STK40: variants seen among roughly 807,000 people sequenced by gnomAD.
STK40 encodes serine/threonine-protein kinase 40.
In STK40, 13 loss-of-function variants were observed where a neutral mutation model predicts 47.9. The observed-to-expected ratio is 0.27, with a 90% CI of 0.18 to 0.43. The LOEUF is 0.43. Among genes scored for constraint, STK40 ranks in the 20% least tolerant of loss-of-function variants. The pLI is 1.00. For missense variants in STK40, 460 were observed against 595.1 expected (o/e 0.77, Z 2.36); for synonymous variants, 225 against 243.2 (o/e 0.93, Z 0.69).
intron 1 of STK40, among the ~76,000 whole-genome samples, chr1:36,382,825 C>T (rs149060113): frequency 2.0e-3 from 307 of 152,296 alleles, no homozygotes; most frequent in Non-Finnish European, 3.0e-3. Flanking sequence ...CACAACTGCC[C>T]TATTACGAAG....
At chr1:36,368,368 A>G (rs577966974) in intron 1 of STK40, among the ~76,000 whole-genome samples, 9 of 152,254 alleles carry the variant, frequency 5.9e-5, no homozygotes, top group Admixed American at 5.9e-4. Context: ...CTCCCACCTC[A>G]GCCTCCTGGG....
intron 7 of STK40, among the ~76,000 whole-genome samples, chr1:36,348,115 C>A (rs557944521): frequency 6.6e-6 from 1 of 152,358 alleles, no homozygotes; most frequent in East Asian, 1.9e-4. Context: ...AATGAATGAA[C>A]ACAGACAAGG....
chr1:36,360,191 G>A (rs1021668408), intron 2 of STK40, among the ~76,000 whole-genome samples: 2 of 152,188 alleles, frequency 1.3e-5, no homozygotes, highest in African/African-American at 4.8e-5. Flanking sequence ...GGCCTGGCAC[G>A]TAGTAGGTAC....
intron 1 of STK40, among the ~76,000 whole-genome samples, chr1:36,363,873 C>G (rs1289128955): frequency 1.3e-5 from 2 of 150,618 alleles, no homozygotes; most frequent in Non-Finnish European, 3.0e-5. Context: ...TCTTGTCAGC[C>G]AAGCGCGGTG....
Position 36,355,191 on chromosome 1 carries a change from A to G in STK40, c.570+15T>C. 1 of 1,612,132 alleles carries G rather than the reference A, an allele frequency of 6.2e-7. No individual in the cohort carries two copies. Among genetic ancestry groups the G allele is most frequent in the Non-Finnish European group, 8.5e-7 (1 of 1,179,024 alleles). ...TTCTGTGGCCAGAAGGCGCAGCAGC[A>G]GGGTGTGGCCTCACCTGGTGCAGGG... is the stretch of plus-strand genomic sequence containing the variant. On this transcript the variant is annotated intron_variant, in intron 5 of 10. Coordinates refer to ENST00000373132, the MANE Select transcript of STK40 (RefSeq NM_001282547.2).
At chr1:36,346,141 C>T (rs1440919776) in intron 7 of STK40, among the ~76,000 whole-genome samples, 1 of 150,430 alleles carries the variant, frequency 6.6e-6, no homozygotes, top group East Asian at 1.9e-4. Context: ...ACTATAGGCA[C>T]CCGCCACCAC....
intron 1 of STK40, among the ~76,000 whole-genome samples, chr1:36,365,281 G>A (rs1054613482): frequency 4.6e-5 from 7 of 152,156 alleles, no homozygotes; most frequent in Non-Finnish European, 7.3e-5. Flanking sequence ...TGAGCACCGC[G>A]CCCGGCCTGT....
At chr1:36,344,468 C>G (rs1277978477) in intron 7 of STK40, among the ~76,000 whole-genome samples, 2 of 152,242 alleles carry the variant, frequency 1.3e-5, no homozygotes, top group Non-Finnish European at 2.9e-5. Context: ...CACTCAGCAC[C>G]TGCTCACAGC....
rs1646630245 is a variant in STK40, at chr1:36,339,950, C to A, written c.*1805G>T. 1 of 152,350 alleles carries A rather than the reference C, an allele frequency of 6.6e-6. No homozygotes were observed. The highest frequency in any genetic ancestry group is 1.5e-5 in the Non-Finnish European group (1 of 68,066). 9.4% of individuals were successfully genotyped at this position (152,350 alleles called of 1,614,324 possible). A position where few individuals can be genotyped will look rare whatever the true frequency, so the allele number is the denominator to read the frequency against. ...GACCCGGTGGGCTGCTGAGAGGGGG[C>A]TCCGCTGCGACGGGCCCTGGCCCAG... On this transcript the variant is annotated 3_prime_UTR_variant, in exon 11 of 11. Coordinates refer to ENST00000373132, the MANE Select transcript of STK40 (RefSeq NM_001282547.2).
intron 6 of STK40, among the ~76,000 whole-genome samples, chr1:36,353,957 T>C (rs1330812628): frequency 6.6e-6 from 1 of 151,984 alleles, no homozygotes; most frequent in Non-Finnish European, 1.5e-5. Flanking sequence ...AGAGATGGGG[T>C]CTTCATTATG....
chr1:36,356,844 G>T (rs932726491), intron 4 of STK40, among the ~76,000 whole-genome samples: 1 of 152,098 alleles, frequency 6.6e-6, no homozygotes, highest in Non-Finnish European at 1.5e-5. Flanking sequence ...CATCCAAAAT[G>T]ACATGAACTA....
At chr1:36,366,410 C>A (rs187370000) in intron 1 of STK40, among the ~76,000 whole-genome samples, 2 of 152,154 alleles carry the variant, frequency 1.3e-5, no homozygotes, top group Admixed American at 6.5e-5. Flanking sequence ...TCCTGCCACC[C>A]CTTCATGCTA....
chr1:36,351,158 C>A (rs1263994528), intron 6 of STK40, among the ~76,000 whole-genome samples: 1 of 151,894 alleles, frequency 6.6e-6, no homozygotes, highest in Non-Finnish European at 1.5e-5. Context: ...TGCTTGCCTA[C>A]CAAAAAGAAA....
intron 1 of STK40, among the ~76,000 whole-genome samples, chr1:36,372,036 G>C (rs1032332553): frequency 6.6e-6 from 1 of 152,134 alleles, no homozygotes; most frequent in Non-Finnish European, 1.5e-5. Context: ...TACATGTTTA[G>C]TCCAGACACA....
intron 1 of STK40, among the ~76,000 whole-genome samples, chr1:36,378,575 C>T (rs1647011521): frequency 1.3e-5 from 2 of 152,120 alleles, no homozygotes; most frequent in Non-Finnish European, 2.9e-5. Context: ...TCTCCTGCCT[C>T]AGCCTCCTGA....
At chr1:36,358,933 A>C in intron 2 of STK40, 111 bp from the exon 3 acceptor site, 5 of 1,209,556 alleles carry the variant, frequency 4.1e-6, no homozygotes, top group Non-Finnish European at 4.8e-6. Flanking sequence ...ACCATAGCTC[A>C]TGTGTACTGG....
intron 7 of STK40, among the ~76,000 whole-genome samples, chr1:36,345,987 A>ATTTTTTTTTT (rs1397972473): frequency 3.1e-3 from 53 of 17,250 alleles, no homozygotes; most frequent in Non-Finnish European, 5.3e-3. Context: ...ATATATATAT[A>ATTTTTTTTTT]TATATTTTTT....
rs761489279 is a variant in STK40, at chr1:36,361,344, G to T, written c.-8-4C>A. On this transcript the variant is annotated splice_region_variant and splice_polypyrimidine_tract_variant and intron_variant, in intron 1 of 10. Coordinates refer to ENST00000373132, the MANE Select transcript of STK40 (RefSeq NM_001282547.2). ...GCTCTCCGCTTCATTCTCAGCTCTA[G>T]ACAAGACAGAAAGACCCCTTCTCAC... 2 of 1,614,070 alleles carry T rather than the reference G, an allele frequency of 1.2e-6. No individual in the cohort carries two copies. Among genetic ancestry groups the T allele is most frequent in the Non-Finnish European group, 1.7e-6 (2 of 1,180,040 alleles).
chr1:36,348,819 G>A lies in STK40; in HGVS notation c.624-4C>T, dbSNP rs369452661. ...GGTGATGGTTATCCGATGTGTCCTA[G>A]GAGTGGGAGACAGAGTGAACAAACC... is the stretch of plus-strand genomic sequence containing the variant. On this transcript the variant is annotated splice_polypyrimidine_tract_variant and splice_region_variant and intron_variant, in intron 6 of 10. Coordinates refer to ENST00000373132, the MANE Select transcript of STK40 (RefSeq NM_001282547.2). 6.3e-7 allele frequency: 1 copy of A among 1,597,302 alleles called. No homozygotes were observed. The highest frequency in any genetic ancestry group is 8.5e-7 in the Non-Finnish European group (1 of 1,171,104).
Sources: gnomAD v4.1 joint callset for allele counts (sites outside exome capture counted in the v4.1 genomes callset) on GRCh38, gnomAD v4.1.1 for gene constraint, MANE v1.5 for transcripts, NCBI Gene and HGNC (gene_info 2026-07-23, HGNC 2026-07-21) for gene names.